PKHD1: variants seen among roughly 807,000 people sequenced by gnomAD.
The protein encoded by PKHD1 is fibrocystin.
A neutral mutation model predicts 412.0 loss-of-function variants in PKHD1; 291 were observed. The observed-to-expected ratio is 0.71, with a 90% CI of 0.64 to 0.78. PKHD1 has a LOEUF of 0.78. Among genes scored for constraint, PKHD1 ranks in the 30% least tolerant of loss-of-function variants. PKHD1 has a pLI of 0.00. For missense variants in PKHD1, 4,825 were observed against 4,950.7 expected, an observed-to-expected ratio of 0.97 and a Z score of 0.76; for synonymous variants, 1,777 against 1,821.5, an observed-to-expected ratio of 0.98 and a Z score of 0.62.
intron 49 of PKHD1, among the ~76,000 whole-genome samples, chr6:51,853,109 C>T (rs941538915): frequency 1.2e-4 from 19 of 152,160 alleles, no homozygotes; most frequent in East Asian, 3.9e-4. Context: ...CTGGTGGTAA[C>T]GAAATCCCTC....
chr6:51,692,742 A>C (rs1384281953), intron 60 of PKHD1, among the ~76,000 whole-genome samples: 1 of 152,072 alleles, frequency 6.6e-6, no homozygotes, highest in African/African-American at 2.4e-5. Flanking sequence ...CTCTTTGAAA[A>C]GCTAAGTTTT....
rs976213171 is a variant in PKHD1, at chr6:51,882,488, A to G, written c.7350+605T>C. Among the ~76,000 whole-genome samples the G allele has an allele frequency of 2.0e-5, 3 of 152,236 alleles. No homozygotes were observed. The East Asian group carries it at 5.8e-4, about 29-fold the overall frequency. ...AGCACTCAGGAACAAACTGAAGAGA[A>G]TATTCTTCCTTGGCTCCCAATAAAT... On this transcript the variant is annotated intron_variant, in intron 46 of 66. Coordinates refer to ENST00000371117, the MANE Select transcript of PKHD1 (RefSeq NM_138694.4).
chr6:51,883,763 G>A (rs1358573427), intron 45 of PKHD1, among the ~76,000 whole-genome samples: 1 of 152,142 alleles, frequency 6.6e-6, no homozygotes, highest in Non-Finnish European at 1.5e-5. Flanking sequence ...TCTACTACTT[G>A]CTATGGTTTA....
chr6:51,739,880 A>G (rs1209611927), intron 60 of PKHD1: 2 of 414,174 alleles, frequency 4.8e-6, no homozygotes, highest in Admixed American at 2.3e-5. Context: ...GGTGCCCCAC[A>G]TGTGTGAACC....
chr6:51,791,956 C>T (rs1353035630), intron 52 of PKHD1, among the ~76,000 whole-genome samples: 2 of 152,070 alleles, frequency 1.3e-5, no homozygotes, highest in African/African-American at 2.4e-5. Context: ...TGTTAGTAAG[C>T]TATCTCTAAT....
chr6:51,836,737 T>G (rs1427984346), intron 50 of PKHD1, among the ~76,000 whole-genome samples: 2 of 152,142 alleles, frequency 1.3e-5, no homozygotes, highest in African/African-American at 4.8e-5. Flanking sequence ...AACGAAACCT[T>G]TAGCCATATG....
chr6:51,922,516 C>G (rs949816683), intron 37 of PKHD1, among the ~76,000 whole-genome samples: 1 of 152,244 alleles, frequency 6.6e-6, no homozygotes, highest in East Asian at 1.9e-4. Context: ...GTTTCTGCTG[C>G]CTTTTGTTCA....
At chr6:51,883,764 C>T (rs1181173315) in intron 45 of PKHD1, among the ~76,000 whole-genome samples, 1 of 152,122 alleles carries the variant, frequency 6.6e-6, no homozygotes, top group Non-Finnish European at 1.5e-5. Context: ...CTACTACTTG[C>T]TATGGTTTAA....
chr6:51,627,679 C>A (rs1031642015), intron 65 of PKHD1, among the ~76,000 whole-genome samples: 2 of 152,018 alleles, frequency 1.3e-5, no homozygotes. Flanking sequence ...CTTCACCCAG[C>A]CTTCTCCATT....
rs373240240 is a variant in PKHD1, at chr6:51,934,341, A to G, written c.5909-19T>C. 38 of 1,546,636 alleles carry G rather than the reference A, an allele frequency of 2.5e-5. No individual in the cohort carries two copies. The highest frequency in any genetic ancestry group is 4.5e-4 in the Middle Eastern group (2 of 4,416). Reference sequence around the variant, plus strand: ...TTGCCCCCTAATGGACAAAGGGAAAATTGTCAGTCCCTGGGAGGATAAGGC... The same window carrying G: ...TTGCCCCCTAATGGACAAAGGGAAAGTTGTCAGTCCCTGGGAGGATAAGGC... On this transcript the variant is annotated intron_variant, in intron 36 of 66. Transcript: ENST00000371117.
chr6:51,791,146 A>G (rs1793670153), intron 53 of PKHD1, 90 bp downstream of exon 53: 7 of 1,345,088 alleles, frequency 5.2e-6, no homozygotes, highest in Non-Finnish European at 3.2e-6. Flanking sequence ...TCTGTTAAGC[A>G]ACCTGCTTGA....
At chr6:51,776,445 A>G (rs185795390) in intron 53 of PKHD1, among the ~76,000 whole-genome samples, 30 of 152,132 alleles carry the variant, frequency 2.0e-4, no homozygotes, top group Non-Finnish European at 3.4e-4. Flanking sequence ...AGTCTAACAC[A>G]AATATTTCTT....
intron 64 of PKHD1, among the ~76,000 whole-genome samples, chr6:51,638,000 C>CTTTATTAA (rs1267523584): frequency 6.6e-6 from 1 of 152,070 alleles, no homozygotes; most frequent in Non-Finnish European, 1.5e-5. Context: ...TCAAAAGGCC[C>CTTTATTAA]GTTGAAAGTT....
intron 60 of PKHD1, chr6:51,721,656 T>C (rs921485575): frequency 1.1e-5 from 13 of 1,175,582 alleles, no homozygotes; most frequent in East Asian, 4.5e-5. Context: ...TCTTTCCTAC[T>C]CCCCCATATC....
Position 52,059,962 on chromosome 6 carries a change from A to G in PKHD1, c.1199T>C (p.Leu400Ser), listed in dbSNP as rs1808425655. 6.2e-7 allele frequency: 1 copy of G among 1,603,762 alleles called. No homozygotes were observed. The highest frequency in any genetic ancestry group is 1.7e-5 in the Admixed American group (1 of 60,006). ...TGGTTCCTCTGACCAACTGAAATGCAAGGAAGCTTGGCTATCTGCCTGAAT... is the reference window on the plus strand; with the variant it reads ...TGGTTCCTCTGACCAACTGAAATGCGAGGAAGCTTGGCTATCTGCCTGAAT... ...FWIQADSQAS[L>S]HFSWSEEPRT... The change falls in exon 15 of 67, where the codon TTG becomes TCG. Residue 400 changes from leucine (L) to serine (S), a missense_variant. Transcript: ENST00000371117.
chr6:51,967,609 C>T (rs886824615), intron 35 of PKHD1, among the ~76,000 whole-genome samples: 2 of 151,970 alleles, frequency 1.3e-5, no homozygotes, highest in African/African-American at 2.4e-5. Flanking sequence ...CTCAGAAAGC[C>T]ACAGAAAGGC....
At chr6:51,846,238 T>C (rs184668129) in intron 50 of PKHD1, among the ~76,000 whole-genome samples, 8 of 152,330 alleles carry the variant, frequency 5.3e-5, no homozygotes, top group Non-Finnish European at 8.8e-5. Flanking sequence ...CTCTCTCTGA[T>C]GCTATTAAAA....
chr6:51,889,826 C>A (rs1463233325), intron 43 of PKHD1, among the ~76,000 whole-genome samples: 1 of 152,174 alleles, frequency 6.6e-6, no homozygotes, highest in Non-Finnish European at 1.5e-5. Flanking sequence ...AGAAAAACCA[C>A]TTCCTGGTGA....
At chr6:51,815,423 G>A (rs1765291763) in intron 52 of PKHD1, among the ~76,000 whole-genome samples, 1 of 152,112 alleles carries the variant, frequency 6.6e-6, no homozygotes, top group African/African-American at 2.4e-5. Flanking sequence ...CAAGTTGAGT[G>A]TTAAAGGACA....
Sources: gnomAD v4.1 joint callset for allele counts (sites outside exome capture counted in the v4.1 genomes callset) on GRCh38, gnomAD v4.1.1 for gene constraint, MANE v1.5 for transcripts, NCBI Gene and HGNC (gene_info 2026-07-23, HGNC 2026-07-21) for gene names.